Variants in NBEA observed in about 807,000 individuals in gnomAD.
The protein encoded by NBEA is lysosomal-trafficking regulator 2.
NBEA carries 44 observed loss-of-function variants against 343.4 expected under a neutral mutation model. The observed-to-expected ratio is 0.13, with a 90% CI of 0.10 to 0.16. The LOEUF is 0.16. Ranked by LOEUF, NBEA falls within the 10% of genes least tolerant of loss-of-function variation. The pLI is 1.00. For missense variants in NBEA, 2,555 were observed against 3,631.3 expected (o/e 0.70, Z 7.62); for synonymous variants, 1,175 against 1,238.7 (o/e 0.95, Z 1.08).
intron 18 of NBEA, among the ~76,000 whole-genome samples, chr13:35,150,806 G>C (rs1164617551): frequency 6.8e-6 from 1 of 147,336 alleles, no homozygotes; most frequent in Non-Finnish European, 1.5e-5. Flanking sequence ...GAGTAGAGTA[G>C]AGTAGAGTAG....
intron 38 of NBEA, among the ~76,000 whole-genome samples, chr13:35,364,634 G>T (rs928331828): frequency 1.3e-5 from 2 of 151,760 alleles, no homozygotes; most frequent in Non-Finnish European, 1.5e-5. Flanking sequence ...GATTAAGGGG[G>T]ATTGAAGATC....
At chr13:35,515,632 A>C (rs1271058208) in intron 41 of NBEA, among the ~76,000 whole-genome samples, 1 of 152,192 alleles carries the variant, frequency 6.6e-6, no homozygotes, top group Admixed American at 6.5e-5. Flanking sequence ...ACATTTCAAA[A>C]TCCATTATAT....
chr13:35,097,977 G>A (rs539710509), intron 10 of NBEA, among the ~76,000 whole-genome samples: 2 of 151,988 alleles, frequency 1.3e-5, no homozygotes, highest in African/African-American at 4.8e-5. Flanking sequence ...TAAATGATGT[G>A]TATATGTTTC....
At chr13:35,176,030 G>A (rs1374207436) in intron 27 of NBEA, among the ~76,000 whole-genome samples, 3 of 152,032 alleles carry the variant, frequency 2.0e-5, no homozygotes, top group Non-Finnish European at 2.9e-5. Flanking sequence ...TAACCATCCT[G>A]TAGTAAATAT....
chr13:35,231,118 G>A (rs1234148484), intron 33 of NBEA, among the ~76,000 whole-genome samples: 1 of 152,096 alleles, frequency 6.6e-6, no homozygotes, highest in African/African-American at 2.4e-5. Flanking sequence ...ATATGTGGCA[G>A]TGATCAAACT....
chr13:35,535,511 G>A (rs1470398548), intron 41 of NBEA, among the ~76,000 whole-genome samples: 1 of 152,144 alleles, frequency 6.6e-6, no homozygotes, highest in Non-Finnish European at 1.5e-5. Context: ...GGCAGAGACT[G>A]CTCCCATCAC....
intron 34 of NBEA, among the ~76,000 whole-genome samples, chr13:35,265,964 G>A (rs2033637017): frequency 6.6e-6 from 1 of 151,794 alleles, no homozygotes; most frequent in Non-Finnish European, 1.5e-5. Context: ...CTAACAAGTG[G>A]CTAATATCCA....
intron 41 of NBEA, chr13:35,474,903 G>T: frequency 1.1e-6 from 1 of 925,492 alleles, no homozygotes; most frequent in Non-Finnish European, 1.6e-6. Context: ...CCTTGTGGGG[G>T]TGGGTGAGAT....
chr13:35,163,403 C>T (rs2069723855), intron 23 of NBEA, among the ~76,000 whole-genome samples: 1 of 151,842 alleles, frequency 6.6e-6, no homozygotes, highest in Non-Finnish European at 1.5e-5. Flanking sequence ...CCTATAATCC[C>T]AGCACTTTGG....
At chr13:35,348,156 G>C (rs1357923232) in intron 36 of NBEA, among the ~76,000 whole-genome samples, 1 of 152,054 alleles carries the variant, frequency 6.6e-6, no homozygotes, top group Non-Finnish European at 1.5e-5. Flanking sequence ...TGTTGTTGCA[G>C]CCATCTTTGG....
intron 33 of NBEA, among the ~76,000 whole-genome samples, chr13:35,227,839 AAAT>A (rs1320383865): frequency 6.6e-6 from 1 of 152,054 alleles, no homozygotes; most frequent in Non-Finnish European, 1.5e-5. Context: ...GTAGGGCCCT[AAAT>A]AAGAATAGAA....
intron 50 of NBEA, 141 bp from the exon 51 acceptor site, chr13:35,646,118 C>A: frequency 1.4e-6 from 1 of 729,770 alleles, no homozygotes; most frequent in Non-Finnish European, 2.3e-6. Context: ...GATGATTCTG[C>A]ACCCTGAGAA....
intron 38 of NBEA, among the ~76,000 whole-genome samples, chr13:35,395,640 A>G (rs921432675): frequency 3.3e-5 from 5 of 152,168 alleles, no homozygotes; most frequent in South Asian, 4.1e-4. Context: ...ATAGTGTTCT[A>G]TAAATTTAAA....
At chr13:35,456,034 A>G (rs904453681) in intron 40 of NBEA, among the ~76,000 whole-genome samples, 4 of 152,030 alleles carry the variant, frequency 2.6e-5, no homozygotes, top group Non-Finnish European at 5.9e-5. Flanking sequence ...ATGAATATGT[A>G]TAATAATTAA....
chr13:35,196,128 C>A lies in NBEA; in HGVS notation c.5192C>A (p.Ser1731Tyr), dbSNP rs779185030. ...NPSETLKPAT[S>Y]ISSISQTKGI... ...AGTGAAACGTTGAAGCCTGCAACAT[C>A]CATATCTAGCATTAGTCAAACCAAA... is the stretch of plus-strand genomic sequence containing the variant. The change falls in exon 31 of 59, where the codon TCC becomes TAC. Residue 1731 changes from serine to tyrosine, a missense_variant. Ser to Tyr is a moderately radical substitution (Grantham distance 144). Around this residue, in one of 21 missense-constraint regions of NBEA, gnomAD observed 270 missense variants for 293.3 expected, o/e 0.92. Coordinates refer to ENST00000379939, the MANE Select transcript of NBEA (RefSeq NM_001385012.1). 14 of 1,613,562 alleles carry A rather than the reference C, an allele frequency of 8.7e-6. No individual in the cohort carries two copies. In the Admixed American group the frequency reaches 1.5e-4, roughly 17 times the overall value.
intron 1 of NBEA, among the ~76,000 whole-genome samples, chr13:35,014,731 A>T (rs537106165): frequency 1.3e-5 from 2 of 150,112 alleles, no homozygotes; most frequent in Admixed American, 1.3e-4. Context: ...TCTTGGTGGG[A>T]GCAGACACCA....
intron 34 of NBEA, among the ~76,000 whole-genome samples, chr13:35,262,272 T>C (rs2033276984): frequency 1.3e-5 from 2 of 152,216 alleles, no homozygotes; most frequent in Admixed American, 6.5e-5. Flanking sequence ...AGTTTGGAAG[T>C]TTCTTATTTA....
At chr13:35,351,131 G>C (rs937060315) in intron 37 of NBEA, among the ~76,000 whole-genome samples, 4 of 151,840 alleles carry the variant, frequency 2.6e-5, no homozygotes, top group Non-Finnish European at 4.4e-5. Flanking sequence ...GATTACTTGT[G>C]GTAGTAGTGT....
At chr13:35,194,213 A>T (rs1166868055) in intron 30 of NBEA, among the ~76,000 whole-genome samples, 1 of 152,012 alleles carries the variant, frequency 6.6e-6, no homozygotes, top group Non-Finnish European at 1.5e-5. Flanking sequence ...ATCCCTTCAT[A>T]TTGTTTTTAA....
Sources: gnomAD v4.1 joint callset for allele counts (sites outside exome capture counted in the v4.1 genomes callset) on GRCh38, gnomAD v4.1.1 for gene constraint, gnomAD v4.1.1 regional missense constraint, MANE v1.5 for transcripts, NCBI Gene and HGNC (gene_info 2026-07-23, HGNC 2026-07-21) for gene names.